The following WSCD1 variants were observed in gnomAD, a reference collection of about 807,000 sequenced individuals.
The protein encoded by WSCD1 is WSC domain sialate O sulfotransferase 1.
In WSCD1, 41 loss-of-function variants were observed where a neutral mutation model predicts 60.4. The ratio of observed to expected loss-of-function variants is 0.68; its 90% CI spans 0.53 to 0.88. The LOEUF is 0.88. Among genes scored for constraint, WSCD1 ranks in the 40% least tolerant of loss-of-function variants. WSCD1 has a pLI of 0.00. For synonymous variants in WSCD1, 361 were observed against 332.5 expected (o/e 1.09, Z -0.93); for missense variants, 784 against 796.2 (o/e 0.98, Z 0.18).
intron 7 of WSCD1, among the ~76,000 whole-genome samples, chr17:6,115,206 C>G (rs376378177): frequency 1.3e-5 from 2 of 152,098 alleles, no homozygotes; most frequent in Non-Finnish European, 2.9e-5. Flanking sequence ...TTCATGAGAT[C>G]GTGCCTATTC....
Position 6,110,188 on chromosome 17 carries a change from C to A in WSCD1, c.1009+422C>A, listed in dbSNP as rs1192656944. 6.6e-6 allele frequency among the ~76,000 whole-genome samples: 1 copy of A among 152,104 alleles called. No homozygotes were observed. Among genetic ancestry groups the A allele is most frequent in the South Asian group, 2.1e-4 (1 of 4,820 alleles). On this transcript the variant is annotated intron_variant, in intron 6 of 8. Coordinates refer to ENST00000317744, the MANE Select transcript of WSCD1 (RefSeq NM_015253.2). This position sits in a 1 kb window ranked among gnomAD's most constrained non-coding sequence, Gnocchi z 4.8. ...GAGCATCAGGTCTGCCCCTGTTGAC[C>A]TTAGGAACTGATGAAAGGAAGAGCC...
At chr17:6,113,124 G>A (rs1597370030) in intron 7 of WSCD1, among the ~76,000 whole-genome samples, 1 of 152,064 alleles carries the variant, frequency 6.6e-6, no homozygotes, top group East Asian at 1.9e-4. Context: ...ACAAAATAGA[G>A]AACCCAGAAA....
At chr17:6,119,138 C>A (rs73347083) in intron 8 of WSCD1, among the ~76,000 whole-genome samples, 3,201 of 152,290 alleles carry the variant, frequency 0.021, 78 homozygotes, top group African/African-American at 0.053. Flanking sequence ...CCTCCCAAAT[C>A]CCCCATCCCT....
At position 6,095,221 on chromosome 17, in the gene WSCD1, AAAGT is replaced by A; in HGVS notation, c.849+2_849+5del. The A allele has an allele frequency of 6.2e-7, 1 of 1,612,806 alleles. No individual in the cohort carries two copies. Among genetic ancestry groups the A allele is most frequent in the Non-Finnish European group, 8.5e-7 (1 of 1,179,444 alleles). On this transcript the variant is annotated splice_donor_variant and coding_sequence_variant, in exon 5 of 9. Transcript: ENST00000317744. LOFTEE classifies it high-confidence loss of function. ...GACTTGCTCGGGCTTTTGTTCCCAG[AAAGT>A]AAGACCAAGTGATCATTTCACAACC...
chr17:6,120,248 G>A (rs920623033), intron 8 of WSCD1, 61 bp from the exon 9 acceptor site: 9 of 1,559,536 alleles, frequency 5.8e-6, no homozygotes, highest in Middle Eastern at 1.7e-4. Context: ...CAGCCCCCCG[G>A]GGACCGGCAG....
intron 8 of WSCD1, among the ~76,000 whole-genome samples, chr17:6,119,257 C>T (rs1904493783): frequency 6.6e-6 from 1 of 152,228 alleles, no homozygotes; most frequent in Non-Finnish European, 1.5e-5. Flanking sequence ...GCCTGTTCCC[C>T]ACTGCAGCTT....
chr17:6,091,385 A>G (rs964444889), intron 4 of WSCD1, among the ~76,000 whole-genome samples: 25 of 152,316 alleles, frequency 1.6e-4, no homozygotes, highest in African/African-American at 5.5e-4. Flanking sequence ...AGAGAGTTAG[A>G]GATAGGCTGT....
chr17:6,074,197 G>T (rs1442093267), intron 1 of WSCD1, among the ~76,000 whole-genome samples: 7 of 152,108 alleles, frequency 4.6e-5, no homozygotes, highest in African/African-American at 7.2e-5. Context: ...TTAAAATTTT[G>T]AATCTTTTTT....
At chr17:6,117,522 G>A (rs564911634) in intron 7 of WSCD1, among the ~76,000 whole-genome samples, 7 of 152,334 alleles carry the variant, frequency 4.6e-5, no homozygotes, top group Non-Finnish European at 8.8e-5. Flanking sequence ...GAGCCCTGGC[G>A]CTGTTTTCAC....
chr17:6,074,450 C>T (rs1031409036), intron 1 of WSCD1, among the ~76,000 whole-genome samples: 6 of 152,208 alleles, frequency 3.9e-5, no homozygotes, highest in Non-Finnish European at 1.5e-5. Context: ...ATTCCCTGTG[C>T]CCCACCCAGA....
intron 3 of WSCD1, 95 bp downstream of exon 3, chr17:6,088,199 CAT>C: frequency 9.3e-7 from 1 of 1,077,386 alleles, no homozygotes; most frequent in Non-Finnish European, 1.4e-6. Flanking sequence ...AGTTGGCTGT[CAT>C]AGCATAATTG....
intron 2 of WSCD1, 28 bp from the exon 3 acceptor site, chr17:6,087,962 G>T (rs778588504): frequency 1.3e-6 from 2 of 1,568,418 alleles, no homozygotes; most frequent in African/African-American, 1.3e-5. Context: ...CTGGGCCTCT[G>T]GTATTAGCCA....
upstream of WSCD1, among the ~76,000 whole-genome samples, chr17:6,070,016 C>A (rs1047756667): frequency 6.6e-6 from 1 of 151,728 alleles, no homozygotes; most frequent in Non-Finnish European, 1.5e-5. Flanking sequence ...TGTGAGTCTG[C>A]ATGGGAGAGT....
At chr17:6,092,145 C>G (rs1910096055) in intron 4 of WSCD1, among the ~76,000 whole-genome samples, 1 of 131,526 alleles carries the variant, frequency 7.6e-6, no homozygotes, top group South Asian at 2.5e-4. Context: ...CAGAGTGAGA[C>G]TCTGTCTCCA....
chr17:6,094,740 G>A (rs971065683), intron 4 of WSCD1, among the ~76,000 whole-genome samples: 6 of 145,224 alleles, frequency 4.1e-5, no homozygotes, highest in East Asian at 4.0e-4. Context: ...GAGGGAAGGA[G>A]GGAGGGAGGG....
chr17:6,102,063 A>G (rs1434473655), intron 5 of WSCD1, among the ~76,000 whole-genome samples: 2 of 152,212 alleles, frequency 1.3e-5, no homozygotes, highest in Admixed American at 1.3e-4. Flanking sequence ...AAAGGTGTTG[A>G]GCTTTCTTTT....
upstream of WSCD1, among the ~76,000 whole-genome samples, chr17:6,069,578 T>A (rs1908396844): frequency 1.3e-5 from 2 of 152,034 alleles, no homozygotes; most frequent in Admixed American, 1.3e-4. Context: ...TGTGGAGCAG[T>A]ATGATAAGCC....
At position 6,095,097 on chromosome 17, in the gene WSCD1, C is replaced by T; in HGVS notation, c.728-5C>T. 1 of 1,608,176 alleles carries T rather than the reference C, an allele frequency of 6.2e-7. No individual in the cohort carries two copies. Among genetic ancestry groups the T allele is most frequent in the South Asian group, 1.1e-5 (1 of 89,822 alleles). On this transcript the variant is annotated splice_polypyrimidine_tract_variant and splice_region_variant and intron_variant, in intron 4 of 8. Coordinates refer to ENST00000317744, the MANE Select transcript of WSCD1 (RefSeq NM_015253.2). Reference sequence around the variant, plus strand: ...CTTACCAGAAACCCCTCTCTTTTCCCCCAGGGCGGACCGCCACCTACCGCG... The same window carrying T: ...CTTACCAGAAACCCCTCTCTTTTCCTCCAGGGCGGACCGCCACCTACCGCG...
At chr17:6,091,594 C>T (rs1490902872) in intron 4 of WSCD1, among the ~76,000 whole-genome samples, 3 of 152,226 alleles carry the variant, frequency 2.0e-5, no homozygotes, top group African/African-American at 7.2e-5. Context: ...AATCCGCTTC[C>T]TCTAATCACA....
Sources: gnomAD v4.1 joint callset for allele counts (sites outside exome capture counted in the v4.1 genomes callset) on GRCh38, gnomAD v4.1.1 for gene constraint, Gnocchi (gnomAD v3.1) non-coding constraint, MANE v1.5 for transcripts, NCBI Gene and HGNC (gene_info 2026-07-23, HGNC 2026-07-21) for gene names.